ETV6: variants seen among roughly 807,000 people sequenced by gnomAD.
The protein encoded by ETV6 is ETS variant transcription factor 6.
In ETV6, 16 loss-of-function variants were observed where a neutral mutation model predicts 51.1. The observed-to-expected ratio is 0.31, with a 90% CI of 0.21 to 0.48. The LOEUF (loss-of-function observed/expected upper bound fraction) is 0.48, where lower values mean the gene tolerates loss of function less well. ETV6 is among the 20% of genes least tolerant of loss of function. ETV6 has a pLI of 0.99. For synonymous variants in ETV6, 240 were observed against 224.1 expected (o/e 1.07, Z -0.64); for missense variants, 458 against 594.8 (o/e 0.77, Z 2.39).
At chr12:11,882,185 CT>C (rs1212630516) in intron 5 of ETV6, among the ~76,000 whole-genome samples, 1 of 152,180 alleles carries the variant, frequency 6.6e-6, no homozygotes, top group Non-Finnish European at 1.5e-5. Context: ...AGATTTAGGG[CT>C]GCTGTACATT....
chr12:11,749,287 A>C (rs1444840775), intron 1 of ETV6, among the ~76,000 whole-genome samples: 5 of 56,888 alleles, frequency 8.8e-5, no homozygotes, highest in African/African-American at 2.7e-4. Context: ...TATCCCCCCC[A>C]TACACACACA....
At chr12:11,724,040 C>T (rs1191018312) in intron 1 of ETV6, among the ~76,000 whole-genome samples, 1 of 151,930 alleles carries the variant, frequency 6.6e-6, no homozygotes, top group Non-Finnish European at 1.5e-5. Flanking sequence ...CCACCCCTGA[C>T]CTGAGGGTGC....
chr12:11,677,781 G>T (rs2724626), intron 1 of ETV6, among the ~76,000 whole-genome samples: 103,449 of 152,208 alleles, frequency 0.68, 41,652 homozygotes, highest in Non-Finnish European at 0.87. Context: ...ACCGTAAAAT[G>T]AGGATAGTAG....
Position 11,869,365 on chromosome 12 carries a change from G to T in ETV6, c.464-59G>T. ...CATTTACCGCCTGTAGAGCCGCAGGGAGTTTCCTGTCCTGCCAACTCACTG... is the reference window on the plus strand; with the variant it reads ...CATTTACCGCCTGTAGAGCCGCAGGTAGTTTCCTGTCCTGCCAACTCACTG... On this transcript the variant is annotated intron_variant, in intron 4 of 7. Transcript: ENST00000396373. The surrounding 1 kb of genome is among the most constrained non-coding windows in gnomAD (Gnocchi z 5.0). The T allele has an allele frequency of 6.7e-7, 1 of 1,495,436 alleles. No individual in the cohort carries two copies. The allele number at this position is 1,495,436 out of a possible 1,614,324, so 92.6% of individuals were successfully genotyped here.
At chr12:11,832,317 A>C (rs1396991362) in intron 2 of ETV6, among the ~76,000 whole-genome samples, 1 of 152,242 alleles carries the variant, frequency 6.6e-6, no homozygotes, top group Non-Finnish European at 1.5e-5. Context: ...ACAGAAGGGA[A>C]TTGAAGCCTG....
chr12:11,839,947 G>T (rs1304735939), intron 3 of ETV6, among the ~76,000 whole-genome samples: 1 of 152,300 alleles, frequency 6.6e-6, no homozygotes, highest in Non-Finnish European at 1.5e-5. Context: ...GTGAATGCAG[G>T]CTGTGAACTG....
chr12:11,786,608 G>C (rs183818628), intron 2 of ETV6, among the ~76,000 whole-genome samples: 67 of 152,316 alleles, frequency 4.4e-4, no homozygotes, highest in African/African-American at 1.5e-3. Context: ...ACTGCGTCAA[G>C]AGGCAGGATA....
intron 1 of ETV6, among the ~76,000 whole-genome samples, chr12:11,656,952 C>A (rs770589422): frequency 3.3e-5 from 5 of 152,024 alleles, no homozygotes; most frequent in Non-Finnish European, 5.9e-5. Context: ...GATATTCCCT[C>A]ATTTTCCCCT....
chr12:11,735,020 T>C (rs991543690), intron 1 of ETV6, among the ~76,000 whole-genome samples: 1 of 151,790 alleles, frequency 6.6e-6, no homozygotes, highest in African/African-American at 2.4e-5. Flanking sequence ...CTTCTACTTA[T>C]TAATGGGCAA....
Position 11,890,975 on chromosome 12 carries a change from C to A in ETV6, c.1288C>A (p.Arg430=), listed in dbSNP as rs1437274494. The A allele has an allele frequency of 6.2e-7, 1 of 1,613,628 alleles. No homozygotes were observed. The highest frequency in any genetic ancestry group is 8.5e-7 in the Non-Finnish European group (1 of 1,179,808). Residue 430 remains arginine (R), a synonymous_variant, in exon 8 of 8, where the codon CGA becomes AGA. Coordinates refer to ENST00000396373, the MANE Select transcript of ETV6 (RefSeq NM_001987.5). ...AACCCCAGATGAAATCATGAGTGGC[C>A]GAACAGACCGTCTGGAGCACCTAGA... ...MKTPDEIMSG[R]TDRLEHLESQ... is the part of the protein sequence containing the mutation.
At chr12:11,832,816 GAAC>G (rs1213078937) in intron 2 of ETV6, among the ~76,000 whole-genome samples, 2 of 152,180 alleles carry the variant, frequency 1.3e-5, no homozygotes, top group African/African-American at 4.8e-5. Flanking sequence ...ATTGATCATT[GAAC>G]AACTCTTCCC....
rs556800839 is a variant in ETV6 at position 11,750,100 on chromosome 12, C to T, written c.34-2350C>T. Among the ~76,000 whole-genome samples, 5 of 152,182 alleles carry T rather than the reference C, an allele frequency of 3.3e-5. No individual in the cohort carries two copies. In the East Asian group the frequency reaches 5.8e-4, roughly 18 times the overall value. On this transcript the variant is annotated intron_variant, in intron 1 of 7. Coordinates refer to ENST00000396373, the MANE Select transcript of ETV6 (RefSeq NM_001987.5). The stretch of plus-strand genomic sequence containing the variant: ...TTGTCTCCATCTAAAATTGTTTGGA[C>T]GGGGTTTGCGGGGGATGGCGTCAGA...
At chr12:11,690,659 C>T (rs1470051559) in intron 1 of ETV6, among the ~76,000 whole-genome samples, 3 of 152,008 alleles carry the variant, frequency 2.0e-5, no homozygotes, top group Non-Finnish European at 4.4e-5. Context: ...GAGGCTGAGG[C>T]AGGCAGACCA....
intron 1 of ETV6, among the ~76,000 whole-genome samples, chr12:11,681,912 TGGC>T: frequency 6.6e-6 from 1 of 152,376 alleles, no homozygotes; most frequent in East Asian, 1.9e-4. Context: ...TCCTTTTTTA[TGGC>T]TGCATAGTAT....
In ETV6 at chr12:11,891,197, G is replaced by A; in HGVS notation, c.*151G>A. ...GGACACTTCTCTTGCAGACCAAGAG[G>A]GACCCTGGAGCACCTTAGACAAACT... On this transcript the variant is annotated 3_prime_UTR_variant, in exon 8 of 8. Transcript: ENST00000396373. 1.6e-6 allele frequency: 1 copy of A among 606,564 alleles called. No homozygotes were observed. The highest frequency in any genetic ancestry group is 2.9e-6 in the Non-Finnish European group (1 of 343,468). The allele number at this position is 606,564 out of a possible 1,614,324, so 37.6% of individuals were successfully genotyped here.
intron 1 of ETV6, among the ~76,000 whole-genome samples, chr12:11,697,849 T>A (rs1864906376): frequency 1.3e-5 from 2 of 152,176 alleles, no homozygotes; most frequent in Non-Finnish European, 2.9e-5. Flanking sequence ...ATCTGACTTG[T>A]GAATCCTTCC....
chr12:11,895,287 AAG>A lies in ETV6; in HGVS notation c.*4243_*4244del, dbSNP rs1947375871. On this transcript the variant is annotated 3_prime_UTR_variant, in exon 8 of 8. Coordinates refer to ENST00000396373, the MANE Select transcript of ETV6 (RefSeq NM_001987.5). ...ACTGAATCAAATGAATGTAACAAAAAAGAAAAAAAAAACAAAAAAAAATGCCT... is the reference window on the plus strand; with the variant it reads ...ACTGAATCAAATGAATGTAACAAAAAAAAAAAAAAACAAAAAAAAATGCCT... The A allele has an allele frequency of 4.7e-6, 1 of 214,892 alleles. No individual in the cohort carries two copies. Among genetic ancestry groups the A allele is most frequent in the Non-Finnish European group, 9.2e-6 (1 of 108,388 alleles). The allele number at this position is 214,892 out of a possible 1,614,324, so 13.3% of individuals were successfully genotyped here. A position where few individuals can be genotyped will look rare whatever the true frequency, so the allele number is the denominator to read the frequency against.
intron 3 of ETV6, among the ~76,000 whole-genome samples, chr12:11,849,220 C>T (rs915617867): frequency 4.0e-4 from 61 of 152,146 alleles, no homozygotes; most frequent in African/African-American, 1.4e-3. Context: ...AAGCAATCCT[C>T]CCAGCTCAGC....
intron 2 of ETV6, among the ~76,000 whole-genome samples, chr12:11,772,490 A>T (rs977988406): frequency 1.3e-5 from 2 of 152,174 alleles, no homozygotes; most frequent in African/African-American, 4.8e-5. Context: ...TGATGGGGTG[A>T]TGGTTTCTGT....
Sources: gnomAD v4.1 joint callset for allele counts (sites outside exome capture counted in the v4.1 genomes callset) on GRCh38, gnomAD v4.1.1 for gene constraint, Gnocchi (gnomAD v3.1) non-coding constraint, MANE v1.5 for transcripts, NCBI Gene and HGNC (gene_info 2026-07-23, HGNC 2026-07-21) for gene names.